The following ATXN7 variants were observed in gnomAD, a reference collection of about 807,000 sequenced individuals.
ATXN7 encodes the protein ataxin-7.
A neutral mutation model predicts 70.5 loss-of-function variants in ATXN7; 12 were observed. That is an observed-to-expected ratio of 0.17 (90% CI 0.11 to 0.28). ATXN7 has a LOEUF of 0.28. Ranked by LOEUF, ATXN7 falls within the 10% of genes least tolerant of loss-of-function variation. The pLI, the probability that ATXN7 is intolerant of heterozygous loss-of-function variation, is 1.00. For missense variants in ATXN7, 1,256 were observed against 1,131.7 expected (o/e 1.11, Z -1.58); for synonymous variants, 498 against 448.7 (o/e 1.11, Z -1.39).
chr3:63,907,702 C>G (rs981368796), intron 2 of ATXN7, among the ~76,000 whole-genome samples: 4 of 151,472 alleles, frequency 2.6e-5, no homozygotes, highest in African/African-American at 9.7e-5. Context: ...GAGCCTTGGT[C>G]CCCCAAAGTG....
At chr3:63,921,017 A>G (rs1050632769) in intron 4 of ATXN7, among the ~76,000 whole-genome samples, 4 of 152,216 alleles carry the variant, frequency 2.6e-5, no homozygotes, top group Non-Finnish European at 5.9e-5. Flanking sequence ...TACTTTTGAG[A>G]AAAAGGCAGA....
Position 63,960,927 on chromosome 3 carries a change from T to C in ATXN7, c.499+8444T>C, listed in dbSNP as rs2075118275. Among the ~76,000 whole-genome samples, 3 of 152,076 alleles carry C rather than the reference T, an allele frequency of 2.0e-5. No individual in the cohort carries two copies. In the South Asian group the frequency reaches 6.2e-4, roughly 31 times the overall value. On this transcript the variant is annotated intron_variant, in intron 5 of 12. Transcript: ENST00000674280. ...ACAAGCCAGGAAACAAAAGATACTG[T>C]GTGCACTTTCCTGGGACTTCTCATG...
At position 63,975,237 on chromosome 3, in the gene ATXN7, C is replaced by T. The variant is rs557249560; in HGVS notation, c.500-4678C>T. The stretch of plus-strand genomic sequence containing the variant: ...AGTAGTTAGCCACTTGCATGATACC[C>T]GTTGAGAATGGGACAAATTGATACT... On this transcript the variant is annotated intron_variant, in intron 5 of 12. Transcript: ENST00000674280. Among the ~76,000 whole-genome samples, 25 of 152,206 alleles carry T rather than the reference C, an allele frequency of 1.6e-4. No homozygotes were observed. The South Asian group carries it at 5.2e-3, about 32-fold the overall frequency.
chr3:63,957,693 C>T (rs1217371745), intron 5 of ATXN7, among the ~76,000 whole-genome samples: 5 of 152,152 alleles, frequency 3.3e-5, no homozygotes, highest in Non-Finnish European at 7.3e-5. Flanking sequence ...GTGTTGTCCA[C>T]ACAGTAGTGT....
At chr3:63,924,683 G>A (rs1704646112) in intron 4 of ATXN7, among the ~76,000 whole-genome samples, 1 of 152,174 alleles carries the variant, frequency 6.6e-6, no homozygotes, top group South Asian at 2.1e-4. Context: ...TTGACAGTAT[G>A]AAGGTCATTA....
At chr3:63,933,421 T>C (rs985729425) in intron 4 of ATXN7, among the ~76,000 whole-genome samples, 2 of 152,232 alleles carry the variant, frequency 1.3e-5, no homozygotes, top group Non-Finnish European at 2.9e-5. Context: ...AATAATGTTC[T>C]TCATCCAGCA....
Position 63,999,437 on chromosome 3 carries a change from T to G in ATXN7, c.2662-13T>G, listed in dbSNP as rs779584003. On this transcript the variant is annotated splice_polypyrimidine_tract_variant and intron_variant, in intron 12 of 12. Transcript: ENST00000674280. ...ACCATTTCATTATTTCCCCACCCCCTCTTTTTTGAAAGCCAAAGGCACGTC... is the reference window on the plus strand; with the variant it reads ...ACCATTTCATTATTTCCCCACCCCCGCTTTTTTGAAAGCCAAAGGCACGTC... The G allele has an allele frequency of 1.2e-6, 2 of 1,608,918 alleles. No individual in the cohort carries two copies. Among genetic ancestry groups the G allele is most frequent in the South Asian group, 1.1e-5 (1 of 90,924 alleles).
At position 63,952,391 on chromosome 3, in the gene ATXN7, T is replaced by A. The variant is rs753850071; in HGVS notation, c.407T>A (p.Phe136Tyr). 1.1e-5 allele frequency: 18 copies of A among 1,609,528 alleles called. No individual in the cohort carries two copies. Among genetic ancestry groups the A allele is most frequent in the Non-Finnish European group, 1.5e-5 (18 of 1,178,522 alleles). The change falls in exon 5 of 13, where the codon TTT (phenylalanine) becomes TAT (tyrosine). Residue 136 changes from phenylalanine to tyrosine, a missense_variant. Coordinates refer to ENST00000674280, the MANE Select transcript of ATXN7 (RefSeq NM_001377405.1). The stretch of plus-strand genomic sequence containing the variant: ...TTCTGTGTTGCAGACATGCCAATAT[T>A]TGGTTTCTGTCCAGCCCATGATGAT... ...MGLCREDMPI[F>Y]GFCPAHDDFY...
chr3:63,984,683 G>A (rs1277490324), intron 8 of ATXN7, among the ~76,000 whole-genome samples: 1 of 152,210 alleles, frequency 6.6e-6, no homozygotes, highest in Non-Finnish European at 1.5e-5. Context: ...AAGTGTGCAA[G>A]ACAGTATTGT....
In ATXN7 at chr3:63,928,730, G is replaced by A. The variant is rs1033974896; in HGVS notation, c.394+15505G>A. Among the ~76,000 whole-genome samples, 7 of 152,342 alleles carry A rather than the reference G, an allele frequency of 4.6e-5. No individual in the cohort carries two copies. The East Asian group carries it at 1.3e-3, about 29-fold the overall frequency. On this transcript the variant is annotated intron_variant, in intron 4 of 12. Coordinates refer to ENST00000674280, the MANE Select transcript of ATXN7 (RefSeq NM_001377405.1). ...GTCTGGCTCACCCCATGGCCAGATG[G>A]TTCCCTGATTTATCAATTCAGCAGT... is the stretch of plus-strand genomic sequence containing the variant.
At chr3:63,924,312 G>A (rs1471552667) in intron 4 of ATXN7, among the ~76,000 whole-genome samples, 2 of 152,150 alleles carry the variant, frequency 1.3e-5, no homozygotes, top group African/African-American at 2.4e-5. Context: ...ATTCATGTGC[G>A]GCTGTGGTGT....
At chr3:63,925,936 GA>G (rs1160257136) in intron 4 of ATXN7, among the ~76,000 whole-genome samples, 1 of 152,148 alleles carries the variant, frequency 6.6e-6, no homozygotes, top group African/African-American at 2.4e-5. Context: ...AGATATGTTT[GA>G]AAGATCACTA....
At chr3:63,997,922 C>G in intron 12 of ATXN7, 1 of 985,372 alleles carries the variant, frequency 1.0e-6, no homozygotes, top group Non-Finnish European at 1.2e-6. Flanking sequence ...TGTTGTTTGG[C>G]ATTCTGATCA....
In ATXN7 at chr3:63,995,948, A is replaced by G. The variant is rs571852752; in HGVS notation, c.2126A>G (p.Asn709Ser). Residue 709 changes from asparagine to serine, a missense_variant, in exon 12 of 13, where the codon AAC becomes AGC. Physicochemically the swap from Asn to Ser is conservative, Grantham distance 46 (BLOSUM62 1). Transcript: ENST00000674280. ...TSGGSGKKRK[N>S]SSPLLVHSSS... ...GGCGGCTCAGGAAAGAAACGCAAAA[A>G]CAGTTCCCCACTGTTGGTTCACTCT... 12 of 1,614,098 alleles carry G rather than the reference A, an allele frequency of 7.4e-6. No individual in the cohort carries two copies. In the African/African-American group the frequency reaches 1.1e-4, roughly 14 times the overall value.
At chr3:63,999,274 A>C (rs2075807275) in intron 12 of ATXN7, 176 bp from the exon 13 acceptor site, 1 of 599,206 alleles carries the variant, frequency 1.7e-6, no homozygotes, top group South Asian at 2.0e-5. Context: ...AGTAGTAGTG[A>C]AGGCATTTGA....
intron 8 of ATXN7, among the ~76,000 whole-genome samples, chr3:63,984,522 A>G (rs1454680566): frequency 1.3e-5 from 2 of 151,962 alleles, no homozygotes; most frequent in African/African-American, 4.8e-5. Context: ...ACAACTTGCC[A>G]TTCTCCTTCT....
intron 4 of ATXN7, among the ~76,000 whole-genome samples, chr3:63,914,870 C>T (rs1023069690): frequency 2.0e-5 from 3 of 152,134 alleles, no homozygotes; most frequent in East Asian, 3.9e-4. Context: ...AGAACTAAGA[C>T]GTTAAACTAC....
chr3:63,863,787 C>G, upstream of ATXN7: 1 of 1,252,002 alleles, frequency 8.0e-7, no homozygotes, highest in Non-Finnish European at 9.9e-7. Flanking sequence ...GTCACGGCTC[C>G]CATGGCGTGC....
At chr3:63,863,769 C>T (rs1702306342), upstream of ATXN7, 1 of 1,251,922 alleles carries the variant, frequency 8.0e-7, no homozygotes, top group Admixed American at 4.2e-5. Flanking sequence ...AGCGGGGCCT[C>T]ACCGTCAGTC....
Sources: allele counts gnomAD v4.1 joint callset (sites outside exome capture counted in the v4.1 genomes callset), GRCh38; gene constraint gnomAD v4.1.1; transcripts MANE v1.5; gene names NCBI Gene and HGNC (gene_info 2026-07-23, HGNC 2026-07-21).